The following GRM8 variants were observed in gnomAD, a reference collection of about 807,000 sequenced individuals.
GRM8 encodes the protein metabotropic glutamate receptor 8.
A neutral mutation model predicts 87.2 loss-of-function variants in GRM8; 47 were observed. That is an observed-to-expected ratio of 0.54 (90% CI 0.43 to 0.69). GRM8 has a LOEUF of 0.69. GRM8 is among the 30% of genes least tolerant of loss of function. The pLI is 0.00. For missense variants in GRM8, 1,019 were observed against 1,139.2 expected, an observed-to-expected ratio of 0.89 and a Z score of 1.52; for synonymous variants, 396 against 404.5, an observed-to-expected ratio of 0.98 and a Z score of 0.25.
At chr7:126,481,541 C>CAT (rs1432010243) in intron 9 of GRM8, among the ~76,000 whole-genome samples, 1 of 151,864 alleles carries the variant, frequency 6.6e-6, no homozygotes, top group African/African-American at 2.4e-5. Context: ...ATTTGTGTGA[C>CAT]AATCTTCCCA....
chr7:126,876,484 G>A (rs1246367955), intron 6 of GRM8, among the ~76,000 whole-genome samples: 7 of 152,068 alleles, frequency 4.6e-5, no homozygotes, highest in East Asian at 1.9e-4. Flanking sequence ...TAATCATAAC[G>A]GATAGGAAAA....
chr7:127,037,022 G>A (rs1266442915), intron 3 of GRM8, among the ~76,000 whole-genome samples: 1 of 152,086 alleles, frequency 6.6e-6, no homozygotes, highest in African/African-American at 2.4e-5. Context: ...AAGAGCCAGA[G>A]AGACAGAATA....
chr7:127,132,495 C>T (rs1213683533), intron 2 of GRM8, among the ~76,000 whole-genome samples: 1 of 151,944 alleles, frequency 6.6e-6, no homozygotes, highest in African/African-American at 2.4e-5. Context: ...ATAAAACAGA[C>T]ATAGTTCAAG....
intron 2 of GRM8, among the ~76,000 whole-genome samples, chr7:127,214,199 T>C (rs1433608209): frequency 1.3e-5 from 2 of 152,196 alleles, no homozygotes; most frequent in East Asian, 3.8e-4. Context: ...TTTTGGATAC[T>C]GGTTGACCTT....
At chr7:127,199,743 C>T (rs1055937332) in intron 2 of GRM8, among the ~76,000 whole-genome samples, 1 of 152,168 alleles carries the variant, frequency 6.6e-6, no homozygotes, top group African/African-American at 2.4e-5. Flanking sequence ...ACCATTCTCC[C>T]GTTTTCCCCC....
At chr7:126,814,628 CT>C (rs1793603262) in intron 6 of GRM8, among the ~76,000 whole-genome samples, 1 of 152,038 alleles carries the variant, frequency 6.6e-6, no homozygotes, top group Non-Finnish European at 1.5e-5. Context: ...GTTTTTCAAT[CT>C]TCTTACCTGT....
chr7:126,770,572 T>C (rs1280073245), intron 6 of GRM8, among the ~76,000 whole-genome samples: 3 of 152,044 alleles, frequency 2.0e-5, no homozygotes, highest in Admixed American at 2.0e-4. Flanking sequence ...ACCCTGGTTA[T>C]CTTTATAATA....
At chr7:127,137,967 T>C (rs1828034970) in intron 2 of GRM8, among the ~76,000 whole-genome samples, 1 of 152,190 alleles carries the variant, frequency 6.6e-6, no homozygotes, top group Non-Finnish European at 1.5e-5. Context: ...AAAATGAGAT[T>C]CTAATTTTTT....
chr7:127,221,751 C>T (rs1226524355), intron 2 of GRM8, among the ~76,000 whole-genome samples: 1 of 152,196 alleles, frequency 6.6e-6, no homozygotes, highest in Non-Finnish European at 1.5e-5. Flanking sequence ...CTGGTCCAGG[C>T]CCCACAGTGC....
intron 7 of GRM8, among the ~76,000 whole-genome samples, chr7:126,704,232 T>C (rs1030719868): frequency 1.4e-4 from 22 of 152,202 alleles, no homozygotes; most frequent in Middle Eastern, 3.2e-3. Context: ...TGCCTGTCTT[T>C]ACTGCAATCT....
chr7:126,478,232 C>G (rs2150582934), intron 9 of GRM8, among the ~76,000 whole-genome samples: 1 of 152,274 alleles, frequency 6.6e-6, no homozygotes, highest in Middle Eastern at 3.4e-3. Context: ...TTTATCCTTT[C>G]TTGCCTAAAT....
intron 3 of GRM8, among the ~76,000 whole-genome samples, chr7:127,091,311 C>T (rs1824041894): frequency 6.6e-6 from 1 of 151,492 alleles, no homozygotes; most frequent in African/African-American, 2.4e-5. Flanking sequence ...TGGCCATCCC[C>T]CAGTTCCACT....
chr7:126,536,650 T>C (rs1815770068), intron 8 of GRM8, among the ~76,000 whole-genome samples: 1 of 152,030 alleles, frequency 6.6e-6, no homozygotes, highest in South Asian at 2.1e-4. Context: ...CTTTCAAAAA[T>C]ACTGAGAAAA....
At chr7:127,026,193 G>T (rs1250089278) in intron 3 of GRM8, among the ~76,000 whole-genome samples, 1 of 152,094 alleles carries the variant, frequency 6.6e-6, no homozygotes, top group Non-Finnish European at 1.5e-5. Context: ...CTTTTATATG[G>T]CTGCATAGTA....
intron 2 of GRM8, among the ~76,000 whole-genome samples, chr7:127,241,213 C>A (rs1237657902): frequency 1.3e-5 from 2 of 152,194 alleles, no homozygotes; most frequent in Non-Finnish European, 2.9e-5. Flanking sequence ...CACAGCCACT[C>A]AAGGGGGTGT....
chr7:127,158,567 C>T (rs528568662), intron 2 of GRM8, among the ~76,000 whole-genome samples: 2 of 152,334 alleles, frequency 1.3e-5, no homozygotes, highest in South Asian at 4.1e-4. Context: ...TTCAGTGTCT[C>T]GTGAGGGCTT....
At chr7:126,832,840 A>G (rs994517853) in intron 6 of GRM8, among the ~76,000 whole-genome samples, 9 of 152,240 alleles carry the variant, frequency 5.9e-5, no homozygotes, top group South Asian at 2.1e-4. Context: ...AAGCTACAGC[A>G]TATGTTGAAT....
At chr7:127,220,421 T>C (rs752447424) in intron 2 of GRM8, among the ~76,000 whole-genome samples, 1 of 152,050 alleles carries the variant, frequency 6.6e-6, no homozygotes, top group Non-Finnish European at 1.5e-5. Flanking sequence ...GGAATGAAAA[T>C]CAAGAAAAAA....
intron 6 of GRM8, among the ~76,000 whole-genome samples, chr7:126,835,386 C>T (rs1795753354): frequency 6.6e-6 from 1 of 152,176 alleles, no homozygotes; most frequent in South Asian, 2.1e-4. Flanking sequence ...CTTCTTGATA[C>T]CAACTGAAAT....
Sources: gnomAD v4.1 joint callset for allele counts (sites outside exome capture counted in the v4.1 genomes callset) on GRCh38, gnomAD v4.1.1 for gene constraint, MANE v1.5 for transcripts, NCBI Gene and HGNC (gene_info 2026-07-23, HGNC 2026-07-21) for gene names.